Variants in DSCAM observed in about 807,000 individuals in gnomAD.
DSCAM encodes the protein DS cell adhesion molecule.
In DSCAM, 47 loss-of-function variants were observed where a neutral mutation model predicts 217.7. The ratio of observed to expected loss-of-function variants is 0.22; its 90% CI spans 0.17 to 0.28. The LOEUF (loss-of-function observed/expected upper bound fraction) is 0.28. Among genes scored for constraint, DSCAM ranks in the 10% least tolerant of loss-of-function variants. The pLI, the probability that DSCAM is intolerant of heterozygous loss-of-function variation, is 1.00. For synonymous variants in DSCAM, 1,056 were observed against 1,015.3 expected, an observed-to-expected ratio of 1.04 and a Z score of -0.76; for missense variants, 2,080 against 2,618.3, an observed-to-expected ratio of 0.79 and a Z score of 4.49.
chr21:40,577,335 C>T (rs554645527), intron 3 of DSCAM, among the ~76,000 whole-genome samples: 1 of 151,642 alleles, frequency 6.6e-6, no homozygotes, highest in East Asian at 2.0e-4. Context: ...CCTACCTGAC[C>T]CCGGGGTGAG....
At chr21:40,494,082 C>T (rs979481332) in intron 3 of DSCAM, among the ~76,000 whole-genome samples, 2 of 151,748 alleles carry the variant, frequency 1.3e-5, no homozygotes, top group African/African-American at 2.4e-5. Context: ...AAGCACACCA[C>T]TAAACAAAAT....
At chr21:40,236,467 G>T (rs1165388748) in intron 11 of DSCAM, among the ~76,000 whole-genome samples, 1 of 152,050 alleles carries the variant, frequency 6.6e-6, no homozygotes, top group Non-Finnish European at 1.5e-5. Flanking sequence ...GTTCTGTAGG[G>T]TGTTACTTCC....
intron 3 of DSCAM, among the ~76,000 whole-genome samples, chr21:40,665,477 C>T (rs73905036): frequency 0.016 from 2,475 of 152,222 alleles, 63 homozygotes; most frequent in African/African-American, 0.057. Context: ...ATGTCCTCTC[C>T]GCACTTTCAT....
intron 1 of DSCAM, among the ~76,000 whole-genome samples, chr21:40,739,228 G>T (rs2091097051): frequency 2.2e-5 from 3 of 136,706 alleles, no homozygotes; most frequent in African/African-American, 8.6e-5. Context: ...AATGGCAGGA[G>T]CACTGTCTGC....
intron 3 of DSCAM, among the ~76,000 whole-genome samples, chr21:40,483,762 C>T (rs1357183153): frequency 2.0e-5 from 3 of 152,148 alleles, no homozygotes; most frequent in Non-Finnish European, 2.9e-5. Context: ...CCTAGTTCTT[C>T]TCATTTTAAC....
Position 40,013,189 on chromosome 21 carries a change from A to G in DSCAM, c.5884T>C (p.Ser1962Pro). 1.2e-6 allele frequency: 2 copies of G among 1,613,656 alleles called. No homozygotes were observed. The highest frequency in any genetic ancestry group is 1.7e-6 in the Non-Finnish European group (2 of 1,179,812). ...GTGGCCACGGCCCCCGGCTGCCACG[A>G]CTGTCCTTCTCTCGTGGAGGAGGCG... ...SSASSTREGQ[S>P]WQPGAVATLP... The change falls in exon 33 of 33, where the codon TCG becomes CCG. Residue 1962 changes from serine to proline, a missense_variant. By Grantham distance (74) the Ser-to-Pro change is moderately conservative (BLOSUM62 -1). Coordinates refer to ENST00000400454, the MANE Select transcript of DSCAM (RefSeq NM_001389.5).
At chr21:40,252,980 C>T (rs773565281) in intron 11 of DSCAM, among the ~76,000 whole-genome samples, 23 of 152,188 alleles carry the variant, frequency 1.5e-4, no homozygotes, top group Middle Eastern at 6.8e-3. Flanking sequence ...TTGGGAGTGC[C>T]TGTAAAGTGG....
intron 1 of DSCAM, among the ~76,000 whole-genome samples, chr21:40,716,817 T>G (rs1601165657): frequency 6.6e-6 from 1 of 152,100 alleles, no homozygotes; most frequent in African/African-American, 2.4e-5. Context: ...ATATAACAAG[T>G]CCTGGTACTA....
chr21:40,153,664 A>C (rs551519130), intron 16 of DSCAM, among the ~76,000 whole-genome samples: 1 of 152,298 alleles, frequency 6.6e-6, no homozygotes, highest in South Asian at 2.1e-4. Context: ...GAAAACTGTT[A>C]GAGCTGCAAG....
At chr21:40,589,967 T>C (rs1386267165) in intron 3 of DSCAM, among the ~76,000 whole-genome samples, 1 of 152,224 alleles carries the variant, frequency 6.6e-6, no homozygotes, top group Non-Finnish European at 1.5e-5. Context: ...AGCAGTTTCT[T>C]TTAAGATGTA....
chr21:40,151,886 C>T (rs2090426310), intron 16 of DSCAM, among the ~76,000 whole-genome samples: 1 of 152,110 alleles, frequency 6.6e-6, no homozygotes, highest in Non-Finnish European at 1.5e-5. Flanking sequence ...ATTGCCCAGG[C>T]CCCACCAGGG....
At chr21:40,609,572 T>G (rs112859067) in intron 3 of DSCAM, among the ~76,000 whole-genome samples, 2,613 of 152,310 alleles carry the variant, frequency 0.017, 62 homozygotes, top group African/African-American at 0.06. Context: ...TTGGCATCTC[T>G]GCTCTGTGAG....
rs867736714 is a variant in DSCAM at position 40,112,231 on chromosome 21, T to G, written c.3696+11964A>C. Among the ~76,000 whole-genome samples, 6 of 147,506 alleles carry G rather than the reference T, an allele frequency of 4.1e-5. 1 individual carries two copies. The highest frequency in any genetic ancestry group is 9.2e-5 in the Non-Finnish European group (6 of 65,462). On this transcript the variant is annotated intron_variant, in intron 20 of 32. Coordinates refer to ENST00000400454, the MANE Select transcript of DSCAM (RefSeq NM_001389.5). ...AACAAACTGTCTCTCAGACCACAGG[T>G]CAATCAAACTAGAACTCAGGATTAA...
rs1181832092 is a variant in DSCAM, at chr21:40,386,340, T to TAGGTGAAGGC, written c.509-17096_509-17095insGCCTTCACCT. On this transcript the variant is annotated intron_variant, in intron 3 of 32. Coordinates refer to ENST00000400454, the MANE Select transcript of DSCAM (RefSeq NM_001389.5). ...CCCAGGTTTTCAGATTCCGAAGCTT[T>TAGGTGAAGGC]AGTTGAGGGCAGTTGAAGAACCTAC... Among the ~76,000 whole-genome samples, 6 of 152,348 alleles carry TAGGTGAAGGC rather than the reference T, an allele frequency of 3.9e-5. No individual in the cohort carries two copies. The East Asian group carries it at 5.8e-4, about 15-fold the overall frequency.
At chr21:40,447,886 T>C (rs1399506622) in intron 3 of DSCAM, among the ~76,000 whole-genome samples, 1 of 152,262 alleles carries the variant, frequency 6.6e-6, no homozygotes, top group South Asian at 2.1e-4. Flanking sequence ...TTTTAAGTTC[T>C]ATTTTTATGT....
chr21:40,685,829 G>A (rs2090466638), intron 3 of DSCAM, among the ~76,000 whole-genome samples: 1 of 152,116 alleles, frequency 6.6e-6, no homozygotes, highest in Non-Finnish European at 1.5e-5. Context: ...GACAGCAGTT[G>A]GCTTAAGAAG....
At chr21:40,752,768 A>G (rs2091241424) in intron 1 of DSCAM, among the ~76,000 whole-genome samples, 1 of 152,150 alleles carries the variant, frequency 6.6e-6, no homozygotes, top group African/African-American at 2.4e-5. Context: ...AATAAGCTCA[A>G]TTTTAAAAAG....
chr21:40,338,415 G>A, intron 7 of DSCAM, 39 bp from the exon 8 acceptor site: 1 of 1,585,296 alleles, frequency 6.3e-7, no homozygotes, highest in Non-Finnish European at 8.6e-7. Flanking sequence ...ATAATTTAAG[G>A]GTACATCTCA....
chr21:40,358,679 A>T (rs8127442), intron 4 of DSCAM, among the ~76,000 whole-genome samples: 1 of 151,516 alleles, frequency 6.6e-6, no homozygotes, highest in African/African-American at 2.4e-5. Flanking sequence ...TGGTGGCATG[A>T]GCCTGTAATC....
Sources: allele counts gnomAD v4.1 joint callset (sites outside exome capture counted in the v4.1 genomes callset), GRCh38; gene constraint gnomAD v4.1.1; transcripts MANE v1.5; gene names NCBI Gene and HGNC (gene_info 2026-07-23, HGNC 2026-07-21).